STK24: variants seen among roughly 807,000 people sequenced by gnomAD.
The protein encoded by STK24 is serine/threonine-protein kinase 24.
In STK24, 21 loss-of-function variants were observed where a neutral mutation model predicts 55.6. The ratio of observed to expected loss-of-function variants is 0.38; its 90% CI spans 0.27 to 0.54. The LOEUF (loss-of-function observed/expected upper bound fraction) is 0.54. STK24 is among the 20% of genes least tolerant of loss of function. The pLI is 0.79. For missense variants in STK24, 383 were observed against 538.4 expected (o/e 0.71, Z 2.86); for synonymous variants, 200 against 215.2 (o/e 0.93, Z 0.62).
chr13:98,464,177 G>A (rs950908916), intron 6 of STK24, among the ~76,000 whole-genome samples: 3 of 152,074 alleles, frequency 2.0e-5, no homozygotes, highest in Non-Finnish European at 4.4e-5. Context: ...CAGCACTTTC[G>A]GAGGCCGAGG....
At chr13:98,543,740 C>A (rs992658985) in intron 1 of STK24, among the ~76,000 whole-genome samples, 1 of 152,192 alleles carries the variant, frequency 6.6e-6, no homozygotes, top group East Asian at 1.9e-4. Flanking sequence ...AAGAGAGGAG[C>A]TGCCAGCCGC....
At chr13:98,481,462 G>A (rs1470123123) in intron 3 of STK24, among the ~76,000 whole-genome samples, 22 of 152,208 alleles carry the variant, frequency 1.4e-4, no homozygotes, top group Admixed American at 1.4e-3. Flanking sequence ...GCAGGGAAGT[G>A]TGTGTTCCCC....
intron 1 of STK24, among the ~76,000 whole-genome samples, chr13:98,526,275 C>T (rs1323770200): frequency 2.0e-5 from 3 of 152,124 alleles, no homozygotes; most frequent in African/African-American, 7.2e-5. Flanking sequence ...CTCAGTGTCC[C>T]AATATGACTC....
At chr13:98,521,919 C>T (rs755228004) in intron 1 of STK24, 151 of 1,063,950 alleles carry the variant, frequency 1.4e-4, no homozygotes, top group Non-Finnish European at 2.1e-4. Flanking sequence ...ATTCACCCCT[C>T]TCTGCTGGCT....
At chr13:98,539,463 A>T (rs966418499) in intron 1 of STK24, among the ~76,000 whole-genome samples, 2 of 100,034 alleles carry the variant, frequency 2.0e-5, no homozygotes, top group Non-Finnish European at 4.7e-5. Context: ...GCTAGATTTT[A>T]AAACATCACA....
chr13:98,517,483 G>A (rs796141025), intron 2 of STK24, among the ~76,000 whole-genome samples: 7 of 152,146 alleles, frequency 4.6e-5, no homozygotes, highest in East Asian at 1.9e-4. Context: ...AAAATTAGCC[G>A]GGCACGGTGG....
intron 2 of STK24, among the ~76,000 whole-genome samples, chr13:98,490,627 C>T (rs921624854): frequency 2.0e-5 from 3 of 152,056 alleles, no homozygotes; most frequent in Non-Finnish European, 2.9e-5. Context: ...GGAGTAAAGG[C>T]GCCGGCCTTC....
rs111424474 is a variant in STK24, at chr13:98,491,987, A to G, written c.274-9666T>C. Among the ~76,000 whole-genome samples the G allele has an allele frequency of 2.3e-3, 345 of 152,312 alleles. 2 individuals are homozygous for G. Among genetic ancestry groups the G allele is most frequent in the African/African-American group, 7.9e-3 (328 of 41,560 alleles). On this transcript the variant is annotated intron_variant, in intron 2 of 10. Transcript: ENST00000539966. Reference sequence around the variant, plus strand: ...ATTAGACAATTTCAATAATTTATTAATAAAATTTACTCAAGAAAGAATAAA... The same window carrying G: ...ATTAGACAATTTCAATAATTTATTAGTAAAATTTACTCAAGAAAGAATAAA...
intron 3 of STK24, among the ~76,000 whole-genome samples, chr13:98,477,679 A>AAC (rs1894429109): frequency 6.6e-6 from 1 of 151,812 alleles, no homozygotes; most frequent in Non-Finnish European, 1.5e-5. Context: ...CGTCTCAAAA[A>AAC]AAAAAAAAAA....
At chr13:98,526,666 G>C (rs1896438014) in intron 1 of STK24, among the ~76,000 whole-genome samples, 1 of 152,162 alleles carries the variant, frequency 6.6e-6, no homozygotes, top group Admixed American at 6.5e-5. Flanking sequence ...TAATTAGGTA[G>C]CCTTTACTTC....
At position 98,461,760 on chromosome 13, in the gene STK24, G is replaced by A. The variant is rs560244634; in HGVS notation, c.1053+14C>T. 1.6e-4 allele frequency: 256 copies of A among 1,613,648 alleles called. 4 individuals carry two copies. The South Asian group carries it at 2.5e-3, about 16-fold the overall frequency. On this transcript the variant is annotated intron_variant, in intron 8 of 10. Coordinates refer to ENST00000539966, the MANE Select transcript of STK24 (RefSeq NM_001032296.4). ...CTGAGGTCAGCGTGGCCATTCTGGAGTGAGCAGACGTACCTTATTTCTGTC... is the reference window on the plus strand; with the variant it reads ...CTGAGGTCAGCGTGGCCATTCTGGAATGAGCAGACGTACCTTATTTCTGTC...
rs1892850514 is a variant in STK24, at chr13:98,446,598, GGCA to G, written c.*6572_*6574del. The G allele has an allele frequency of 6.5e-7, 1 of 1,532,474 alleles. No individual in the cohort carries two copies. The highest frequency in any genetic ancestry group is 9.0e-7 in the Non-Finnish European group (1 of 1,113,532). The allele number at this position is 1,532,474 out of a possible 1,614,324, so 94.9% of individuals were successfully genotyped here. On this transcript the variant is annotated 3_prime_UTR_variant, in exon 11 of 11. Transcript: ENST00000539966. ...GCTCCCAAGTCCCTGTCTGATGCGG[GGCA>G]GCAGCCAGGCCCAGCAGCAGAAGCT...
chr13:98,510,302 G>A (rs759110940), intron 2 of STK24, among the ~76,000 whole-genome samples: 2 of 152,188 alleles, frequency 1.3e-5, no homozygotes, highest in Admixed American at 6.5e-5. Context: ...AAAGGCACAC[G>A]GTCATCACCC....
At chr13:98,575,545 T>C (rs1897866928) in intron 1 of STK24, among the ~76,000 whole-genome samples, 1 of 151,982 alleles carries the variant, frequency 6.6e-6, no homozygotes, top group South Asian at 2.1e-4. Flanking sequence ...CTTTTTACGG[T>C]TTCAAAAAAA....
In STK24 at chr13:98,452,063, A is replaced by G. The variant is rs535394873; in HGVS notation, c.*1110T>C. 219 of 152,354 alleles carry G rather than the reference A, an allele frequency of 1.4e-3. 1 individual carries two copies. The highest frequency in any genetic ancestry group is 2.0e-3 in the Non-Finnish European group (134 of 68,082). 9.4% of individuals were successfully genotyped at this position (152,354 alleles called of 1,614,324 possible). On this transcript the variant is annotated 3_prime_UTR_variant, in exon 11 of 11. Coordinates refer to ENST00000539966, the MANE Select transcript of STK24 (RefSeq NM_001032296.4). Reference sequence around the variant, plus strand: ...TCCCTGGAGTCTTCCAAAGTGTCTCATCACACACACACAGCCACGAGTACA... The same window carrying G: ...TCCCTGGAGTCTTCCAAAGTGTCTCGTCACACACACACAGCCACGAGTACA...
intron 1 of STK24, among the ~76,000 whole-genome samples, chr13:98,522,649 G>T (rs1198869897): frequency 6.6e-6 from 1 of 152,190 alleles, no homozygotes; most frequent in Non-Finnish European, 1.5e-5. Context: ...CTGCTGGACT[G>T]TCCTCCCACA....
Position 98,449,473 on chromosome 13 carries a change from T to TC in STK24, c.*3699dup, listed in dbSNP as rs1215909125. The TC allele has an allele frequency of 2.6e-5, 4 of 152,200 alleles. No individual in the cohort carries two copies. The highest frequency in any genetic ancestry group is 4.4e-5 in the Non-Finnish European group (3 of 68,030). The allele number at this position is 152,200 out of a possible 1,614,324, so 9.4% of individuals were successfully genotyped here. ...GGGGTGGCTGCCATTCCCTTGGTTTTCCTAAGCCCTTTCTAACGAGAGTCT... is the reference window on the plus strand; with the variant it reads ...GGGGTGGCTGCCATTCCCTTGGTTTTCCCTAAGCCCTTTCTAACGAGAGTCT... On this transcript the variant is annotated 3_prime_UTR_variant, in exon 11 of 11. Transcript: ENST00000539966.
rs1162677599 is a variant in STK24 at position 98,494,412 on chromosome 13, C to CAAAAAAAAAAAAAAAAAAAAAAAAAAAA, written c.274-12092_274-12091insTTTTTTTTTTTTTTTTTTTTTTTTTTTT. On this transcript the variant is annotated intron_variant, in intron 2 of 10. Transcript: ENST00000539966. Reference sequence around the variant, plus strand: ...CTGGGTGACAGAGCCAGACTCGTCTCAAAAAAAAAAAAAAAAGTGCCTCTA... The same window carrying CAAAAAAAAAAAAAAAAAAAAAAAAAAAA: ...CTGGGTGACAGAGCCAGACTCGTCTCAAAAAAAAAAAAAAAAAAAAAAAAAAAAAAAAAAAAAAAAAAAAGTGCCTCTA... Among the ~76,000 whole-genome samples, 43 of 66,686 alleles carry CAAAAAAAAAAAAAAAAAAAAAAAAAAAA rather than the reference C, an allele frequency of 6.4e-4. 3 individuals carry two copies. The highest frequency in any genetic ancestry group is 1.6e-3 in the South Asian group (3 of 1,902). 43.7% of individuals were successfully genotyped at this position (66,686 alleles called of 152,430 possible). A position where few individuals can be genotyped will look rare whatever the true frequency, so the allele number is the denominator to read the frequency against.
At chr13:98,543,780 C>T (rs944476958) in intron 1 of STK24, among the ~76,000 whole-genome samples, 1 of 152,164 alleles carries the variant, frequency 6.6e-6, no homozygotes, top group African/African-American at 2.4e-5. Flanking sequence ...GATGCGGTGC[C>T]GGTCATCAAT....
Sources: gnomAD v4.1 joint callset for allele counts (sites outside exome capture counted in the v4.1 genomes callset) on GRCh38, gnomAD v4.1.1 for gene constraint, MANE v1.5 for transcripts, NCBI Gene and HGNC (gene_info 2026-07-23, HGNC 2026-07-21) for gene names.